Variants in ERAP1 observed in about 807,000 individuals in gnomAD.
The protein encoded by ERAP1 is endoplasmic reticulum aminopeptidase 1.
ERAP1 carries 86 observed loss-of-function variants against 103.7 expected under a neutral mutation model. The observed-to-expected ratio is 0.83, with a 90% confidence interval of 0.70 to 0.99. The LOEUF (loss-of-function observed/expected upper bound fraction) is 0.99. Among genes scored for constraint, ERAP1 ranks in the 50% least tolerant of loss-of-function variants. The pLI is 0.00. For synonymous variants in ERAP1, 398 were observed against 402.4 expected (o/e 0.99, Z 0.13); for missense variants, 1,009 against 1,128.4 (o/e 0.89, Z 1.52).
At chr5:96,872,272 G>C in the ERAP1 span, among the ~76,000 whole-genome samples, 1 of 151,266 alleles carries the variant, frequency 6.6e-6, no homozygotes, top group African/African-American at 2.4e-5. Context: ...CACTGCAGAG[G>C]TTGCAGTGAG....
the ERAP1 span, among the ~76,000 whole-genome samples, chr5:96,872,918 G>A: frequency 2.6e-5 from 4 of 152,168 alleles, no homozygotes; most frequent in Middle Eastern, 3.4e-3. Flanking sequence ...GGCTGGGTGC[G>A]GTGGCTCATG....
At chr5:96,821,399 A>T in the ERAP1 span, among the ~76,000 whole-genome samples, 1 of 152,224 alleles carries the variant, frequency 6.6e-6, no homozygotes, top group African/African-American at 2.4e-5. Flanking sequence ...AGAAACTGCC[A>T]CATTCCTCAC....
the ERAP1 span, among the ~76,000 whole-genome samples, chr5:96,840,268 CAAGTTA>C: frequency 6.6e-6 from 1 of 152,176 alleles, no homozygotes; most frequent in African/African-American, 2.4e-5. Flanking sequence ...ACATTATTGG[CAAGTTA>C]ACTACAGCCT....
At chr5:96,771,543 C>T, downstream of ERAP1, 1 of 762,478 alleles carries the variant, frequency 1.3e-6, no homozygotes, top group East Asian at 2.7e-5. Context: ...CTTATTTTTC[C>T]CCACTGACTG....
At chr5:96,912,289 A>G in the ERAP1 span, among the ~76,000 whole-genome samples, 75,479 of 151,276 alleles carry the variant, frequency 0.5, 19,030 homozygotes, top group Admixed American at 0.57. Context: ...TATAGCACCA[A>G]TAGTGGCCAC....
At chr5:96,784,350 G>C (rs39840) in intron 13 of ERAP1, among the ~76,000 whole-genome samples, 120,875 of 151,980 alleles carry the variant, frequency 0.8, 48,576 homozygotes, top group Non-Finnish European at 0.85. Flanking sequence ...CATAAAATAG[G>C]CAGGCATGGT....
At chr5:96,812,261 G>T (rs920818408), upstream of ERAP1, among the ~76,000 whole-genome samples, 26 of 152,246 alleles carry the variant, frequency 1.7e-4, no homozygotes, top group East Asian at 1.2e-3. Flanking sequence ...AGTCAGTAAA[G>T]CTCTACTATT....
At chr5:96,816,133 T>C in the ERAP1 span, among the ~76,000 whole-genome samples, 3 of 152,240 alleles carry the variant, frequency 2.0e-5, no homozygotes, top group South Asian at 6.2e-4. Context: ...AGTATCAGTT[T>C]TGGATCCTAG....
chr5:96,780,444 G>A lies in ERAP1; in HGVS notation c.2649C>T (p.Ser883=). 1 of 1,610,898 alleles carries A rather than the reference G, an allele frequency of 6.2e-7. No individual in the cohort carries two copies. Among genetic ancestry groups the A allele is most frequent in the Non-Finnish European group, 8.5e-7 (1 of 1,178,684 alleles). Residue 883 remains serine, a synonymous_variant, in exon 18 of 19, where the codon TCC becomes TCT. Coordinates refer to ENST00000443439, the MANE Select transcript of ERAP1 (RefSeq NM_001040458.3). The part of the protein sequence containing the change: ...HMVMGTTNQF[S]TRTRLEEVKG... ...TTACCTCTTCAAGCCGTGTTCTTGTGGAGAATTGATTTGTTGTACCCATTA... is the reference window on the plus strand; with the variant it reads ...TTACCTCTTCAAGCCGTGTTCTTGTAGAGAATTGATTTGTTGTACCCATTA...
chr5:96,913,427 T>A, the ERAP1 span: 6 of 1,614,018 alleles, frequency 3.7e-6, no homozygotes, highest in Non-Finnish European at 4.2e-6. Flanking sequence ...TGGGATTTTG[T>A]AAGAGAAAAT....
At chr5:96,837,897 C>T in the ERAP1 span, among the ~76,000 whole-genome samples, 1 of 152,134 alleles carries the variant, frequency 6.6e-6, no homozygotes, top group South Asian at 2.1e-4. Flanking sequence ...AGAGTCCCGC[C>T]ATCCCTCTCT....
rs1445184818 is a variant in ERAP1 at position 96,803,736 on chromosome 5, T to C, written c.191A>G (p.Asp64Gly). ...LPEYVIPVHY[D>G]LLIHANLTTL... is the part of the protein sequence containing the mutation. ...GGTAAGGTTTGCATGGATCAAGAGA[T>C]CATAATGAACTGGGATGACGTACTC... Residue 64 changes from aspartate to glycine, a missense_variant, in exon 2 of 19, where the codon GAT (aspartate) becomes GGT (glycine). Asp to Gly is a moderately conservative substitution (Grantham distance 94). Coordinates refer to ENST00000443439, the MANE Select transcript of ERAP1 (RefSeq NM_001040458.3). 1 of 1,614,156 alleles carries C rather than the reference T, an allele frequency of 6.2e-7. No homozygotes were observed.
At chr5:96,871,115 C>T in the ERAP1 span, among the ~76,000 whole-genome samples, 19 of 152,342 alleles carry the variant, frequency 1.2e-4, no homozygotes, top group Admixed American at 7.8e-4. Context: ...CTTTGGTATT[C>T]ATCCTATGAA....
At chr5:96,880,160 C>T in the ERAP1 span, 2 of 1,614,080 alleles carry the variant, frequency 1.2e-6, no homozygotes, top group South Asian at 1.1e-5. Context: ...ACTTACGCCT[C>T]ACCTGAAATA....
Position 96,790,599 on chromosome 5 carries a change from G to T in ERAP1, c.1365C>A (p.Asp455Glu). ...ACTGTACAATACCACTTTTAAATGC[G>T]TCAGCACTAAGATACTCCCTTAGCA... ...LNMLREYLSA[D>E]AFKSGIVQYL... The change falls in exon 9 of 19, where the codon GAC becomes GAA. Residue 455 changes from aspartate to glutamate, a missense_variant. By Grantham distance (45) the Asp-to-Glu change is conservative (BLOSUM62 2). Transcript: ENST00000443439. 1 of 1,611,694 alleles carries T rather than the reference G, an allele frequency of 6.2e-7. No homozygotes were observed.
chr5:96,790,479 C>T, intron 9 of ERAP1, 33 bp downstream of exon 9: 1 of 1,613,362 alleles, frequency 6.2e-7, no homozygotes, highest in Non-Finnish European at 8.5e-7. Context: ...GCCTGTCAAT[C>T]CCAAATGCAG....
the ERAP1 span, among the ~76,000 whole-genome samples, chr5:96,883,398 C>G: frequency 6.6e-6 from 1 of 152,200 alleles, no homozygotes; most frequent in South Asian, 2.1e-4. Flanking sequence ...CTATCTGAGG[C>G]CCTTTCAGGT....
intron 1 of ERAP1, chr5:96,805,080 GT>G (rs1221500321): frequency 6.6e-6 from 1 of 150,636 alleles, no homozygotes; most frequent in African/African-American, 2.4e-5. Flanking sequence ...CCCATACCAG[GT>G]GAATGCAAGT....
chr5:96,921,699 C>T, the ERAP1 span, among the ~76,000 whole-genome samples: 2 of 152,208 alleles, frequency 1.3e-5, no homozygotes, highest in African/African-American at 4.8e-5. Flanking sequence ...TTTCTATTCT[C>T]AGTACATGAC....
Sources: allele counts gnomAD v4.1 joint callset (sites outside exome capture counted in the v4.1 genomes callset), GRCh38; gene constraint gnomAD v4.1.1; transcripts MANE v1.5; gene names NCBI Gene and HGNC (gene_info 2026-07-23, HGNC 2026-07-21).